Variants in FOXP2 observed in about 807,000 individuals in gnomAD.
FOXP2 encodes the protein forkhead box P2.
Under a neutral mutation model 115.8 loss-of-function variants are expected in FOXP2, and 12 were observed. The ratio of observed to expected loss-of-function variants is 0.10; its 90% CI spans 0.07 to 0.17. FOXP2 has a LOEUF of 0.17. Ranked by LOEUF, FOXP2 falls within the 10% of genes least tolerant of loss-of-function variation. The probability of loss-of-function intolerance (pLI) is 1.00; values close to 1 mark genes in which losing one functional copy is unlikely to be tolerated. For missense variants in FOXP2, 629 were observed against 843.5 expected, an observed-to-expected ratio of 0.75 and a Z score of 3.15; for synonymous variants, 328 against 297.7, an observed-to-expected ratio of 1.10 and a Z score of -1.05.
chr7:114,607,822 A>G (rs541640202), intron 3 of FOXP2, among the ~76,000 whole-genome samples: 12 of 152,204 alleles, frequency 7.9e-5, no homozygotes, highest in Non-Finnish European at 1.8e-4. Flanking sequence ...ATATTTTTGA[A>G]AACTAATGAA....
intron 1 of FOXP2, among the ~76,000 whole-genome samples, chr7:114,248,206 GA>G (rs1562834990): frequency 1.3e-5 from 2 of 150,884 alleles, no homozygotes; most frequent in Non-Finnish European, 2.9e-5. Context: ...GAGAGAGAGA[GA>G]GAGAGACAGA....
chr7:114,257,262 A>T (rs1162490299), intron 1 of FOXP2, among the ~76,000 whole-genome samples: 1 of 152,122 alleles, frequency 6.6e-6, no homozygotes, highest in Non-Finnish European at 1.5e-5. Flanking sequence ...TTGAAACTGG[A>T]TCCCTTCCTT....
Position 114,658,046 on chromosome 7 carries a change from C to T in FOXP2, c.1267-20C>T. The T allele has an allele frequency of 3.7e-6, 6 of 1,613,478 alleles. No homozygotes were observed. Among genetic ancestry groups the T allele is most frequent in the Non-Finnish European group, 5.1e-6 (6 of 1,179,564 alleles). ...CTCTTGTCTCTACCTTTTTCCTGCC[C>T]TTCTCTTGGGCCTTTGCAGCTAAAT... On this transcript the variant is annotated intron_variant, in intron 10 of 16. Coordinates refer to ENST00000350908, the MANE Select transcript of FOXP2 (RefSeq NM_014491.4).
chr7:114,399,270 G>C (rs1352730368), intron 2 of FOXP2, among the ~76,000 whole-genome samples: 1 of 151,828 alleles, frequency 6.6e-6, no homozygotes, highest in Non-Finnish European at 1.5e-5. Flanking sequence ...ACCATGCCTG[G>C]CTAACTTTTG....
At chr7:114,116,871 T>C (rs1791421919) in intron 1 of FOXP2, among the ~76,000 whole-genome samples, 1 of 152,122 alleles carries the variant, frequency 6.6e-6, no homozygotes, top group South Asian at 2.1e-4. Context: ...CTTATGCCTT[T>C]CCACACTACC....
At chr7:114,223,510 T>C (rs1474346155) in intron 1 of FOXP2, among the ~76,000 whole-genome samples, 1 of 147,506 alleles carries the variant, frequency 6.8e-6, no homozygotes, top group Non-Finnish European at 1.5e-5. Flanking sequence ...TTATATATAA[T>C]ATATATATAA....
At chr7:114,373,076 T>G (rs1190128587) in intron 2 of FOXP2, among the ~76,000 whole-genome samples, 1 of 152,024 alleles carries the variant, frequency 6.6e-6, no homozygotes, top group African/African-American at 2.4e-5. Flanking sequence ...CACTGCAAGC[T>G]CCACCTCCCA....
At chr7:114,289,989 G>T (rs1269575971) in intron 2 of FOXP2, among the ~76,000 whole-genome samples, 1 of 151,866 alleles carries the variant, frequency 6.6e-6, no homozygotes, top group Non-Finnish European at 1.5e-5. Context: ...TTGCATCCTT[G>T]TTGCTATTTT....
intron 3 of FOXP2, among the ~76,000 whole-genome samples, chr7:114,626,876 T>A (rs1281103536): frequency 6.6e-6 from 1 of 151,854 alleles, no homozygotes; most frequent in Non-Finnish European, 1.5e-5. Context: ...ACAATATACA[T>A]TTCAGAATGC....
intron 3 of FOXP2, among the ~76,000 whole-genome samples, chr7:114,565,393 A>G (rs1020128173): frequency 6.6e-6 from 1 of 152,160 alleles, no homozygotes; most frequent in African/African-American, 2.4e-5. Flanking sequence ...CCTGTCATGC[A>G]AATATCCTGA....
At chr7:114,238,764 T>C (rs1477937305) in intron 1 of FOXP2, among the ~76,000 whole-genome samples, 1 of 132,970 alleles carries the variant, frequency 7.5e-6, no homozygotes, top group Non-Finnish European at 1.7e-5. Flanking sequence ...AGAGCTAGAC[T>C]CTATCTGGGA....
chr7:114,644,923 G>C, intron 8 of FOXP2, 134 bp downstream of exon 8: 1 of 659,974 alleles, frequency 1.5e-6, no homozygotes, highest in Non-Finnish European at 2.7e-6. Flanking sequence ...ATTTTTGTGG[G>C]TTCCAACAAG....
At chr7:114,324,137 T>C (rs1279181827) in intron 2 of FOXP2, among the ~76,000 whole-genome samples, 1 of 151,912 alleles carries the variant, frequency 6.6e-6, no homozygotes. Flanking sequence ...AAATTCAGCA[T>C]TGTAAATCCT....
At chr7:114,559,949 G>A (rs939418360) in intron 3 of FOXP2, among the ~76,000 whole-genome samples, 1 of 151,744 alleles carries the variant, frequency 6.6e-6, no homozygotes, top group Admixed American at 6.6e-5. Flanking sequence ...GAACGTCAAT[G>A]GATTTAATAG....
intron 2 of FOXP2, among the ~76,000 whole-genome samples, chr7:114,315,326 C>T (rs1797250056): frequency 6.6e-6 from 1 of 152,084 alleles, no homozygotes; most frequent in Non-Finnish European, 1.5e-5. Context: ...GTCTGAGGAG[C>T]ATAAAGTTTA....
chr7:114,357,682 A>T (rs1791648550), intron 2 of FOXP2, among the ~76,000 whole-genome samples: 1 of 152,176 alleles, frequency 6.6e-6, no homozygotes, highest in Admixed American at 6.5e-5. Context: ...ACTAGGATGT[A>T]TGGTATCCTA....
chr7:114,437,564 G>A (rs1794411161), intron 2 of FOXP2, among the ~76,000 whole-genome samples: 1 of 152,166 alleles, frequency 6.6e-6, no homozygotes, highest in East Asian at 1.9e-4. Context: ...ACTATTGTGA[G>A]GAGTAAGTGA....
In FOXP2 at chr7:114,573,525, A is replaced by T. The variant is rs75227101; in HGVS notation, c.258+38819A>T. Among the ~76,000 whole-genome samples the T allele has an allele frequency of 6.9e-3, 1,053 of 151,902 alleles. 9 individuals carry two copies. Among genetic ancestry groups the T allele is most frequent in the African/African-American group, 0.024 (1,006 of 41,488 alleles). The stretch of plus-strand genomic sequence containing the variant: ...CTGCCATATGTTTTCATCACTATGT[A>T]ACTAACATTTATAATAAATTGTGAA... On this transcript the variant is annotated intron_variant, in intron 3 of 16. Coordinates refer to ENST00000350908, the MANE Select transcript of FOXP2 (RefSeq NM_014491.4).
intron 2 of FOXP2, among the ~76,000 whole-genome samples, chr7:114,457,163 C>G (rs1002934479): frequency 2.0e-5 from 3 of 151,992 alleles, no homozygotes; most frequent in Non-Finnish European, 2.9e-5. Flanking sequence ...GGTGCTCTTA[C>G]CACACACATC....
Sources: allele counts gnomAD v4.1 joint callset (sites outside exome capture counted in the v4.1 genomes callset), GRCh38; gene constraint gnomAD v4.1.1; transcripts MANE v1.5; gene names NCBI Gene and HGNC (gene_info 2026-07-23, HGNC 2026-07-21).